The following NUP153 variants were observed in gnomAD, a reference collection of about 807,000 sequenced individuals.
NUP153 encodes nuclear pore complex protein Nup153.
A neutral mutation model predicts 134.6 loss-of-function variants in NUP153; 27 were observed. That is an observed-to-expected ratio of 0.20 (90% CI 0.15 to 0.28). The LOEUF (loss-of-function observed/expected upper bound fraction) is 0.28, where lower values mean the gene tolerates loss of function less well. NUP153 is among the 10% of genes least tolerant of loss of function. The probability of loss-of-function intolerance (pLI) is 1.00; values close to 1 mark genes in which losing one functional copy is unlikely to be tolerated. For synonymous variants in NUP153, 640 were observed against 623.5 expected (o/e 1.03, Z -0.40); for missense variants, 1,821 against 1,731.3 (o/e 1.05, Z -0.92).
intron 1 of NUP153, among the ~76,000 whole-genome samples, chr6:17,703,935 G>A (rs1770290451): frequency 6.6e-6 from 1 of 152,132 alleles, no homozygotes; most frequent in Admixed American, 6.5e-5. Context: ...TGGATCATAG[G>A]TGTTATGCTG....
intron 9 of NUP153, 22 bp downstream of exon 9, chr6:17,665,217 G>A (rs776969753): frequency 1.3e-6 from 2 of 1,556,968 alleles, no homozygotes; most frequent in Non-Finnish European, 1.8e-6. Context: ...TCAAAGACTG[G>A]TAGAAATATA....
chr6:17,620,092 C>T (rs1764566711), intron 20 of NUP153, among the ~76,000 whole-genome samples: 2 of 43,024 alleles, frequency 4.6e-5, no homozygotes, highest in Admixed American at 6.9e-4. Flanking sequence ...AGCAAGACAC[C>T]ATCAAAAAAA....
chr6:17,657,929 ATTTAT>A (rs1281227414), intron 11 of NUP153, among the ~76,000 whole-genome samples: 3 of 152,198 alleles, frequency 2.0e-5, no homozygotes, highest in South Asian at 2.1e-4. Flanking sequence ...ACTACTTGCT[ATTTAT>A]TTTATATTAT....
Position 17,639,368 on chromosome 6 carries a change from C to A in NUP153, c.1846+571G>T, listed in dbSNP as rs556442562. ...TGCTGGGATTACAAGGGTGAGCCACCGCGCCTGGCAAGTTTTACATTCTTA... is the reference window on the plus strand; with the variant it reads ...TGCTGGGATTACAAGGGTGAGCCACAGCGCCTGGCAAGTTTTACATTCTTA... On this transcript the variant is annotated intron_variant, in intron 15 of 21. Coordinates refer to ENST00000262077, the MANE Select transcript of NUP153 (RefSeq NM_005124.4). Among the ~76,000 whole-genome samples, 6 of 152,170 alleles carry A rather than the reference C, an allele frequency of 3.9e-5. No individual in the cohort carries two copies. The South Asian group carries it at 1.0e-3, about 26-fold the overall frequency.
At position 17,706,296 on chromosome 6, in the gene NUP153, T is replaced by C; in HGVS notation, c.92A>G (p.Gln31Arg). The C allele has an allele frequency of 6.2e-7, 1 of 1,613,574 alleles. No individual in the cohort carries two copies. Among genetic ancestry groups the C allele is most frequent in the Non-Finnish European group, 8.5e-7 (1 of 1,179,658 alleles). ...CHQGPIKPYQ[Q>R]GRQQHQGILS... The stretch of plus-strand genomic sequence containing the variant: ...CCATACCTGATGCTGTTGTCGCCCC[T>C]GCTGGTAAGGCTTAATTGGCCCCTG... The change falls in exon 1 of 22, where the codon CAG becomes CGG. Residue 31 changes from glutamine to arginine, a missense_variant. Transcript: ENST00000262077. The surrounding 1 kb of genome is among the most constrained non-coding windows in gnomAD (Gnocchi z 5.9).
Position 17,637,731 on chromosome 6 carries a change from G to T in NUP153, c.1886C>A (p.Pro629His). The T allele has an allele frequency of 6.2e-7, 1 of 1,605,074 alleles. No homozygotes were observed. Residue 629 changes from proline (P) to histidine (H), a missense_variant, in exon 16 of 22, where the codon CCC becomes CAC. By Grantham distance (77) the Pro-to-His change is moderately conservative. Transcript: ENST00000262077. ...SPKIDSVAAQPTATSPVVYTR... is the reference protein window; with the variant it reads ...SPKIDSVAAQHTATSPVVYTR... Reference sequence around the variant, plus strand: ...ATAAACTACTGGGCTTGTTGCGGTGGGCTGAGCAGCAACAGAATCTATCTT... The same window carrying T: ...ATAAACTACTGGGCTTGTTGCGGTGTGCTGAGCAGCAACAGAATCTATCTT...
intron 8 of NUP153, among the ~76,000 whole-genome samples, chr6:17,666,267 A>C (rs917087865): frequency 6.6e-5 from 10 of 151,986 alleles, no homozygotes; most frequent in Admixed American, 5.9e-4. Flanking sequence ...CTGTAATCCC[A>C]GCAATGTGGG....
Position 17,706,156 on chromosome 6 carries a change from C to T in NUP153, c.111+121G>A, listed in dbSNP as rs1479816414. 3.8e-5 allele frequency: 30 copies of T among 783,588 alleles called. No homozygotes were observed. Among genetic ancestry groups the T allele is most frequent in the African/African-American group, 3.0e-4 (17 of 57,522 alleles). 48.5% of individuals were successfully genotyped at this position (783,588 alleles called of 1,614,324 possible). ...CGGCCTGAGCTCCCCCGGAGCCTCA[C>T]TCGGGCCTTTCCTCAGGCCCTCCTG... is the stretch of plus-strand genomic sequence containing the variant. On this transcript the variant is annotated intron_variant, in intron 1 of 21. Coordinates refer to ENST00000262077, the MANE Select transcript of NUP153 (RefSeq NM_005124.4). This position sits in a 1 kb window ranked among gnomAD's most constrained non-coding sequence, Gnocchi z 5.9.
chr6:17,699,475 T>C (rs1265636306), intron 1 of NUP153, among the ~76,000 whole-genome samples: 1 of 131,190 alleles, frequency 7.6e-6, no homozygotes, highest in East Asian at 2.2e-4. Context: ...AGGGCGAGAC[T>C]CGTCTCAAAA....
At chr6:17,672,178 C>CA (rs1767957216) in intron 5 of NUP153, among the ~76,000 whole-genome samples, 1 of 148,532 alleles carries the variant, frequency 6.7e-6, no homozygotes, top group Non-Finnish European at 1.5e-5. Flanking sequence ...AAGCCTATGG[C>CA]AATCAAGACA....
intron 20 of NUP153, among the ~76,000 whole-genome samples, chr6:17,620,532 A>C (rs1764597329): frequency 6.6e-6 from 1 of 152,102 alleles, no homozygotes; most frequent in Non-Finnish European, 1.5e-5. Context: ...AGACCACAAA[A>C]CCCCTAGAAG....
chr6:17,695,915 A>G (rs967511204), intron 1 of NUP153, among the ~76,000 whole-genome samples: 2 of 152,194 alleles, frequency 1.3e-5, no homozygotes, highest in African/African-American at 4.8e-5. Flanking sequence ...AGGCTGAGGC[A>G]GGAGAATGGC....
At chr6:17,661,194 G>C (rs1767152952) in intron 11 of NUP153, among the ~76,000 whole-genome samples, 1 of 152,028 alleles carries the variant, frequency 6.6e-6, no homozygotes, top group African/African-American at 2.4e-5. Flanking sequence ...AATGCCTATA[G>C]TCCCAGCTAC....
chr6:17,659,481 GT>G lies in NUP153; in HGVS notation c.1395+2171del, dbSNP rs761010553. 1.8e-3 allele frequency among the ~76,000 whole-genome samples: 281 copies of G among 152,054 alleles called. 4 individuals carry two copies. The highest frequency in any genetic ancestry group is 2.2e-3 in the Non-Finnish European group (150 of 67,954). ...AGCCCATTTCTTTTGTTTTTGTTTTGTTTTGTTTTTGAGACAAAGTCTCGCT... is the reference window on the plus strand; with the variant it reads ...AGCCCATTTCTTTTGTTTTTGTTTTGTTTGTTTTTGAGACAAAGTCTCGCT... On this transcript the variant is annotated intron_variant, in intron 11 of 21. Transcript: ENST00000262077.
chr6:17,624,083 A>T (rs531355096), intron 20 of NUP153, among the ~76,000 whole-genome samples: 1 of 152,376 alleles, frequency 6.6e-6, no homozygotes, highest in East Asian at 1.9e-4. Context: ...ATATAGGATT[A>T]TAATACAATT....
chr6:17,682,836 T>G (rs1768675033), intron 2 of NUP153, among the ~76,000 whole-genome samples: 1 of 151,362 alleles, frequency 6.6e-6, no homozygotes, highest in African/African-American at 2.4e-5. Context: ...GAGAATTGCT[T>G]TATCGCAGGA....
chr6:17,626,214 A>G lies in NUP153; in HGVS notation c.3545-50T>C, dbSNP rs770045460. 4.9e-6 allele frequency: 7 copies of G among 1,442,244 alleles called. No individual in the cohort carries two copies. In the Admixed American group the frequency reaches 1.3e-4, roughly 28 times the overall value. The allele number at this position is 1,442,244 out of a possible 1,614,324, so 89.3% of individuals were successfully genotyped here. On this transcript the variant is annotated intron_variant, in intron 18 of 21. Coordinates refer to ENST00000262077, the MANE Select transcript of NUP153 (RefSeq NM_005124.4). ...AACATAAATCCTTAAGAATAGTCTC[A>G]GAAAGTACTTTTTCCTACCCTACAA...
intron 2 of NUP153, among the ~76,000 whole-genome samples, chr6:17,681,088 TA>T (rs35250197): frequency 1.0e-4 from 15 of 149,292 alleles, no homozygotes; most frequent in African/African-American, 3.7e-4. Flanking sequence ...ATTCAGCCAT[TA>T]AAAAAAAAGA....
At position 17,615,351 on chromosome 6, in the gene NUP153, C is replaced by CA. The variant is rs542228411; in HGVS notation, c.*745dup. The CA allele has an allele frequency of 4.9e-4, 75 of 151,974 alleles. No individual in the cohort carries two copies. Among genetic ancestry groups the CA allele is most frequent in the African/African-American group, 1.7e-3 (69 of 41,330 alleles). The allele number at this position is 151,974 out of a possible 1,614,324, so 9.4% of individuals were successfully genotyped here. ...ATCTGAGACAAGACTAAACAAACAA[C>CA]AAAAAAATCTCTAACACAAAATTCA... is the stretch of plus-strand genomic sequence containing the variant. On this transcript the variant is annotated 3_prime_UTR_variant, in exon 22 of 22. Coordinates refer to ENST00000262077, the MANE Select transcript of NUP153 (RefSeq NM_005124.4). The surrounding 1 kb of genome is among the most constrained non-coding windows in gnomAD (Gnocchi z 5.7).
Sources: gnomAD v4.1 joint callset for allele counts (sites outside exome capture counted in the v4.1 genomes callset) on GRCh38, gnomAD v4.1.1 for gene constraint, Gnocchi (gnomAD v3.1) non-coding constraint, MANE v1.5 for transcripts, NCBI Gene and HGNC (gene_info 2026-07-23, HGNC 2026-07-21) for gene names.